The following SGCD variants were observed in gnomAD, a reference collection of about 807,000 sequenced individuals.
SGCD encodes the protein delta-sarcoglycan.
A neutral mutation model predicts 36.6 loss-of-function variants in SGCD; 18 were observed. That is an observed-to-expected ratio of 0.49 (90% CI 0.34 to 0.73). The LOEUF (loss-of-function observed/expected upper bound fraction) is 0.73. Among genes scored for constraint, SGCD ranks in the 30% least tolerant of loss-of-function variants. SGCD has a pLI of 0.01. For synonymous variants in SGCD, 133 were observed against 130.6 expected (o/e 1.02, Z -0.12); for missense variants, 387 against 346.7 (o/e 1.12, Z -0.92).
At chr5:156,231,926 C>T (rs1408185953) in intron 3 of SGCD, among the ~76,000 whole-genome samples, 1 of 152,176 alleles carries the variant, frequency 6.6e-6, no homozygotes, top group African/African-American at 2.4e-5. Context: ...GTATTCCTGC[C>T]TTTCCTTGAC....
At chr5:156,354,314 T>A (rs1332383398) in intron 3 of SGCD, among the ~76,000 whole-genome samples, 2 of 152,128 alleles carry the variant, frequency 1.3e-5, no homozygotes, top group East Asian at 3.9e-4. Context: ...TAAGTTAAAC[T>A]TGATTGGGGA....
chr5:156,733,419 G>A (rs1756182620), intron 7 of SGCD, among the ~76,000 whole-genome samples: 1 of 152,048 alleles, frequency 6.6e-6, no homozygotes, highest in Admixed American at 6.6e-5. Context: ...GTCTGCTGAG[G>A]AGTGTTTTAC....
intron 1 of SGCD, among the ~76,000 whole-genome samples, chr5:156,031,707 G>C (rs951325188): frequency 6.6e-6 from 1 of 152,134 alleles, no homozygotes; most frequent in African/African-American, 2.4e-5. Context: ...ATTTTGCACG[G>C]ATTACCTAGT....
Position 156,150,096 on chromosome 5 carries a change from T to A in SGCD, c.-44+26077T>A, listed in dbSNP as rs1322032557. On this transcript the variant is annotated intron_variant, in intron 3 of 9. Coordinates refer to the SGCD transcript ENST00000517913. ...CCCTCCAGAAGTGTGCTGTTAGAAT[T>A]AGGGTAAAGGCCAGAGGCTTTCTTA... 3.3e-5 allele frequency among the ~76,000 whole-genome samples: 5 copies of A among 152,188 alleles called. No homozygotes were observed. In the East Asian group the frequency reaches 9.6e-4, roughly 29 times the overall value.
At chr5:156,333,874 T>C (rs1768197784) in intron 2 of SGCD, among the ~76,000 whole-genome samples, 2 of 129,390 alleles carry the variant, frequency 1.5e-5, no homozygotes, top group South Asian at 5.2e-4. Context: ...TTGGTGAAAG[T>C]AATGTGAAAC....
the SGCD span, among the ~76,000 whole-genome samples, chr5:155,815,041 A>T: frequency 2.0e-5 from 3 of 152,042 alleles, no homozygotes; most frequent in African/African-American, 4.8e-5. Context: ...TAACACGATT[A>T]TTTGCTTCAT....
chr5:156,345,174 C>T lies in SGCD; in HGVS notation c.192+497C>T, dbSNP rs576912990. ...TTAGTTAAGAATATCCTGGGTTTTT[C>T]GGAGGACGATCCTCTTTGCCACTAG... On this transcript the variant is annotated intron_variant, in intron 3 of 8. Coordinates refer to ENST00000337851, the MANE Select transcript of SGCD (RefSeq NM_000337.6). Among the ~76,000 whole-genome samples, 6 of 151,894 alleles carry T rather than the reference C, an allele frequency of 4.0e-5. 1 individual carries two copies. Among genetic ancestry groups the T allele is most frequent in the South Asian group, 2.1e-4 (1 of 4,806 alleles).
chr5:155,737,457 T>C, the SGCD span, among the ~76,000 whole-genome samples: 650 of 152,368 alleles, frequency 4.3e-3, 6 homozygotes, highest in Non-Finnish European at 6.9e-3. Context: ...ATAGACAGTA[T>C]AGTCTGATAC....
chr5:156,536,070 G>T (rs1053224333), intron 4 of SGCD, among the ~76,000 whole-genome samples: 1 of 152,108 alleles, frequency 6.6e-6, no homozygotes, highest in East Asian at 1.9e-4. Flanking sequence ...TTGATAATGG[G>T]GATATTTAAT....
At chr5:155,758,376 C>G in the SGCD span, among the ~76,000 whole-genome samples, 1 of 152,182 alleles carries the variant, frequency 6.6e-6, no homozygotes, top group African/African-American at 2.4e-5. Flanking sequence ...AAGGGAAGGA[C>G]AGTTTCTGTT....
chr5:156,731,087 C>T (rs937271924), intron 7 of SGCD, among the ~76,000 whole-genome samples: 8 of 151,714 alleles, frequency 5.3e-5, no homozygotes, highest in Non-Finnish European at 1.2e-4. Flanking sequence ...CTACTTTTAA[C>T]GAGGTTTTTT....
At chr5:156,589,432 G>T in intron 5 of SGCD, 114 bp downstream of exon 5, 1 of 625,782 alleles carries the variant, frequency 1.6e-6, no homozygotes, top group South Asian at 2.1e-5. Context: ...CTAACACATT[G>T]TTGAGAAAGA....
chr5:156,119,480 G>A (rs1561527073), intron 2 of SGCD, among the ~76,000 whole-genome samples: 1 of 152,056 alleles, frequency 6.6e-6, no homozygotes, highest in Non-Finnish European at 1.5e-5. Flanking sequence ...CTGTGTGTAG[G>A]TGTGTATACC....
chr5:156,552,240 A>G (rs1186229945), intron 4 of SGCD, among the ~76,000 whole-genome samples: 1 of 152,212 alleles, frequency 6.6e-6, no homozygotes, highest in Non-Finnish European at 1.5e-5. Flanking sequence ...GTGAGAGCCT[A>G]TAAGGCAAAT....
At chr5:155,891,358 C>CAGT (rs1366064039) in intron 1 of SGCD, among the ~76,000 whole-genome samples, 5 of 152,050 alleles carry the variant, frequency 3.3e-5, no homozygotes, top group African/African-American at 1.2e-4. Context: ...TGGTCTTGAG[C>CAGT]AGTAAATGTC....
chr5:155,778,491 A>G, the SGCD span, among the ~76,000 whole-genome samples: 2 of 152,210 alleles, frequency 1.3e-5, no homozygotes, highest in Non-Finnish European at 2.9e-5. Flanking sequence ...CAGCAGTGCT[A>G]AAAGGGCTAC....
At chr5:156,301,061 A>G (rs1026594880) in intron 3 of SGCD, among the ~76,000 whole-genome samples, 1 of 151,900 alleles carries the variant, frequency 6.6e-6, no homozygotes. Flanking sequence ...ATGTCTTTTA[A>G]TTGGACAGTC....
At chr5:156,620,363 A>G (rs1407302995) in intron 6 of SGCD, among the ~76,000 whole-genome samples, 4 of 152,272 alleles carry the variant, frequency 2.6e-5, no homozygotes, top group African/African-American at 7.2e-5. Context: ...ACGTAGAACA[A>G]AAGTTCCTCT....
intron 1 of SGCD, among the ~76,000 whole-genome samples, chr5:155,938,673 G>A (rs1757264263): frequency 6.6e-6 from 1 of 152,180 alleles, no homozygotes; most frequent in Non-Finnish European, 1.5e-5. Flanking sequence ...GAGAGTTTGA[G>A]AAGGAAGAGA....
Sources: gnomAD v4.1 joint callset for allele counts (sites outside exome capture counted in the v4.1 genomes callset) on GRCh38, gnomAD v4.1.1 for gene constraint, MANE v1.5 for transcripts, NCBI Gene and HGNC (gene_info 2026-07-23, HGNC 2026-07-21) for gene names.